Variants in CSMD1 observed in about 807,000 individuals in gnomAD.
CSMD1 encodes the protein CUB and Sushi multiple domains 1, also known as CUB and sushi domain-containing protein 1.
Under a neutral mutation model 417.5 loss-of-function variants are expected in CSMD1, and 213 were observed. The ratio of observed to expected loss-of-function variants is 0.51; its 90% CI spans 0.46 to 0.57. The LOEUF is 0.57. CSMD1 is among the 20% of genes least tolerant of loss of function. The pLI is 0.00. For synonymous variants in CSMD1, 2,862 were observed against 1,736.8 expected (o/e 1.65, Z -16.11); for missense variants, 6,923 against 4,529.7 (o/e 1.53, Z -15.17).
intron 1 of CSMD1, among the ~76,000 whole-genome samples, chr8:4,815,820 T>C (rs1198499550): frequency 6.6e-6 from 1 of 151,964 alleles, no homozygotes; most frequent in Non-Finnish European, 1.5e-5. Context: ...AAGTAATGAA[T>C]GCCTAAATGT....
intron 33 of CSMD1, among the ~76,000 whole-genome samples, chr8:3,194,970 G>T (rs1337975985): frequency 1.3e-5 from 2 of 152,012 alleles, no homozygotes; most frequent in Non-Finnish European, 2.9e-5. Flanking sequence ...TTTACAAGCT[G>T]GGCACTGCGG....
intron 11 of CSMD1, among the ~76,000 whole-genome samples, chr8:3,476,987 G>T (rs1182342001): frequency 6.6e-6 from 1 of 151,814 alleles, no homozygotes; most frequent in Non-Finnish European, 1.5e-5. Flanking sequence ...CAACACAAAG[G>T]GATACTACAG....
At position 4,891,606 on chromosome 8, in the gene CSMD1, A is replaced by T. The variant is rs140834998; in HGVS notation, c.85+102726T>A. On this transcript the variant is annotated intron_variant, in intron 1 of 69. Coordinates refer to ENST00000635120, the MANE Select transcript of CSMD1 (RefSeq NM_033225.6). ...ATCTCTTTTAGGAAATGTCTTAAGC[A>T]CATAATCGGATGTTTTGCTGAAAGA... Among the ~76,000 whole-genome samples, 129 of 152,256 alleles carry T rather than the reference A, an allele frequency of 8.5e-4. 2 individuals are homozygous for T. Among genetic ancestry groups the T allele is most frequent in the African/African-American group, 3.0e-3 (126 of 41,518 alleles).
chr8:3,377,515 C>T (rs1810386589), intron 18 of CSMD1, among the ~76,000 whole-genome samples: 1 of 152,160 alleles, frequency 6.6e-6, no homozygotes, highest in African/African-American at 2.4e-5. Flanking sequence ...ACTGGCATCC[C>T]TATAGCATCT....
At chr8:3,097,563 C>T (rs1019787756) in intron 46 of CSMD1, among the ~76,000 whole-genome samples, 4 of 152,156 alleles carry the variant, frequency 2.6e-5, no homozygotes, top group Non-Finnish European at 5.9e-5. Context: ...TCATACAGGG[C>T]AATGGATATA....
intron 54 of CSMD1, among the ~76,000 whole-genome samples, chr8:2,996,475 G>A (rs1016085021): frequency 2.6e-5 from 4 of 152,216 alleles, no homozygotes; most frequent in Admixed American, 2.0e-4. Context: ...ATTGTGAGGA[G>A]CTGAGGGCAG....
chr8:4,088,834 G>A (rs771772463), intron 3 of CSMD1, among the ~76,000 whole-genome samples: 1 of 151,976 alleles, frequency 6.6e-6, no homozygotes, highest in Non-Finnish European at 1.5e-5. Flanking sequence ...CCCTCCCTCT[G>A]GAATCACTAG....
rs578132834 is a variant in CSMD1 at position 4,113,366 on chromosome 8, T to C, written c.416-81267A>G. On this transcript the variant is annotated intron_variant, in intron 3 of 69. Coordinates refer to ENST00000635120, the MANE Select transcript of CSMD1 (RefSeq NM_033225.6). ...AGCCAAGCTGTGAGTGCAAATAAAA[T>C]GTTCTTCAAGGAAAATAAAAGGGCT... 3.4e-5 allele frequency among the ~76,000 whole-genome samples: 5 copies of C among 145,550 alleles called. No individual in the cohort carries two copies. The South Asian group carries it at 8.8e-4, about 26-fold the overall frequency.
chr8:3,098,409 T>C (rs1815489297), intron 46 of CSMD1, among the ~76,000 whole-genome samples: 1 of 152,202 alleles, frequency 6.6e-6, no homozygotes, highest in South Asian at 2.1e-4. Flanking sequence ...TTTTCTTCCA[T>C]TTATCTTAGC....
intron 10 of CSMD1, among the ~76,000 whole-genome samples, chr8:3,530,432 G>T (rs1034125903): frequency 2.0e-5 from 3 of 152,110 alleles, no homozygotes; most frequent in Non-Finnish European, 4.4e-5. Flanking sequence ...GTTTAGGTGT[G>T]TTGTTTAACT....
chr8:3,996,299 T>C (rs755197056), intron 5 of CSMD1, among the ~76,000 whole-genome samples: 1 of 152,208 alleles, frequency 6.6e-6, no homozygotes, highest in Non-Finnish European at 1.5e-5. Flanking sequence ...CTTCTGAGAA[T>C]GAGTCCCTAT....
At chr8:4,429,660 G>T (rs757402551) in intron 2 of CSMD1, among the ~76,000 whole-genome samples, 2 of 152,084 alleles carry the variant, frequency 1.3e-5, no homozygotes, top group African/African-American at 4.8e-5. Flanking sequence ...CCTTCATGCT[G>T]GGTACCCCAA....
chr8:4,591,673 T>A (rs1157385415), intron 2 of CSMD1, among the ~76,000 whole-genome samples: 1 of 152,162 alleles, frequency 6.6e-6, no homozygotes. Flanking sequence ...AGTGTCAGAT[T>A]GGAACAGGCC....
At chr8:4,185,928 C>T (rs957248342) in intron 3 of CSMD1, among the ~76,000 whole-genome samples, 4 of 152,060 alleles carry the variant, frequency 2.6e-5, no homozygotes, top group African/African-American at 9.7e-5. Flanking sequence ...AGTTCATTTC[C>T]CTGCAATACT....
intron 1 of CSMD1, among the ~76,000 whole-genome samples, chr8:4,646,704 G>C (rs1480153280): frequency 6.6e-6 from 1 of 152,140 alleles, no homozygotes; most frequent in Non-Finnish European, 1.5e-5. Flanking sequence ...TTAATGCTTA[G>C]TAGAGTTCAC....
At position 4,453,806 on chromosome 8, in the gene CSMD1, A is replaced by G. The variant is rs60657362; in HGVS notation, c.303-33741T>C. ...CCAGGTTCCCGAACAAGATTGCGCA[A>G]TTCGTTTCTTTTTTTTTTTTTTTTT... On this transcript the variant is annotated intron_variant, in intron 2 of 69. Transcript: ENST00000635120. Among the ~76,000 whole-genome samples, 11 of 129,364 alleles carry G rather than the reference A, an allele frequency of 8.5e-5. No individual in the cohort carries two copies. In the East Asian group the frequency reaches 2.5e-3, roughly 30 times the overall value. The allele number at this position is 129,364 out of a possible 152,430, so 84.9% of individuals were successfully genotyped here. A position where few individuals can be genotyped will look rare whatever the true frequency, so the allele number is the denominator to read the frequency against.
intron 10 of CSMD1, among the ~76,000 whole-genome samples, chr8:3,507,280 T>A (rs1796867465): frequency 6.6e-6 from 1 of 152,194 alleles, no homozygotes; most frequent in Non-Finnish European, 1.5e-5. Flanking sequence ...TTTACTCATC[T>A]CATTACTAAG....
chr8:4,459,318 C>G (rs1043198212), intron 2 of CSMD1, among the ~76,000 whole-genome samples: 1 of 152,162 alleles, frequency 6.6e-6, no homozygotes, highest in Non-Finnish European at 1.5e-5. Flanking sequence ...AGGTTCTATG[C>G]CACCAGGAGC....
chr8:4,685,837 A>G (rs573053106), intron 1 of CSMD1, among the ~76,000 whole-genome samples: 1 of 152,312 alleles, frequency 6.6e-6, no homozygotes, highest in Non-Finnish European at 1.5e-5. Context: ...GCCATGACTC[A>G]TATTTATAGG....
Sources: gnomAD v4.1 joint callset for allele counts (sites outside exome capture counted in the v4.1 genomes callset) on GRCh38, gnomAD v4.1.1 for gene constraint, MANE v1.5 for transcripts, NCBI Gene and HGNC (gene_info 2026-07-23, HGNC 2026-07-21) for gene names.